MSH3: variants seen among roughly 807,000 people sequenced by gnomAD.
MSH3 encodes the protein DNA mismatch repair protein Msh3.
In MSH3, 106 loss-of-function variants were observed where a neutral mutation model predicts 123.3. That is an observed-to-expected ratio of 0.86 (90% CI 0.73 to 1.01). The LOEUF (loss-of-function observed/expected upper bound fraction) is 1.01, where lower values mean the gene tolerates loss of function less well. Ranked by LOEUF, MSH3 falls within the 50% of genes least tolerant of loss-of-function variation. MSH3 has a pLI of 0.00. For missense variants in MSH3, 1,459 were observed against 1,347.6 expected, an observed-to-expected ratio of 1.08 and a Z score of -1.29; for synonymous variants, 515 against 481.4, an observed-to-expected ratio of 1.07 and a Z score of -0.91.
chr5:80,810,192 T>TATATATATAA (rs1156831373), intron 19 of MSH3, among the ~76,000 whole-genome samples: 2 of 147,952 alleles, frequency 1.4e-5, no homozygotes, highest in Admixed American at 1.3e-4. Context: ...TATATATATA[T>TATATATATAA]ATAAACTAGT....
At chr5:80,784,873 AAAT>A (rs1356047263) in intron 17 of MSH3, among the ~76,000 whole-genome samples, 2 of 152,356 alleles carry the variant, frequency 1.3e-5, no homozygotes, top group African/African-American at 4.8e-5. Context: ...TCTACTCAGT[AAAT>A]AAGTATACAG....
intron 20 of MSH3, among the ~76,000 whole-genome samples, chr5:80,815,837 T>C (rs1374080114): frequency 6.6e-6 from 1 of 152,202 alleles, no homozygotes; most frequent in Admixed American, 6.5e-5. Context: ...TTAAGCACAG[T>C]AATTGGGAAT....
At chr5:80,664,806 G>T (rs1198156198) in intron 2 of MSH3, among the ~76,000 whole-genome samples, 1 of 151,370 alleles carries the variant, frequency 6.6e-6, no homozygotes, top group Non-Finnish European at 1.5e-5. Flanking sequence ...CTGTTCATTT[G>T]TTTTCCTTTC....
rs950622009 is a variant in MSH3 at position 80,870,804 on chromosome 5, G to A, written c.3131-2312G>A. ...AATTTTCACTGATAAAAGAAGAAAA[G>A]CATACACATCTATCAAATGAAATAA... On this transcript the variant is annotated intron_variant, in intron 22 of 23. Transcript: ENST00000265081. 2.6e-5 allele frequency among the ~76,000 whole-genome samples: 4 copies of A among 152,170 alleles called. No individual in the cohort carries two copies. In the South Asian group the frequency reaches 8.3e-4, roughly 32 times the overall value.
chr5:80,831,469 T>G (rs1174320205), intron 20 of MSH3, among the ~76,000 whole-genome samples: 1 of 152,178 alleles, frequency 6.6e-6, no homozygotes, highest in Admixed American at 6.5e-5. Flanking sequence ...TGTTTATGTT[T>G]AATTAAATAC....
chr5:80,713,194 T>C (rs1750891712), intron 8 of MSH3, among the ~76,000 whole-genome samples: 1 of 152,162 alleles, frequency 6.6e-6, no homozygotes, highest in Middle Eastern at 3.2e-3. Flanking sequence ...TCTCTGTTGG[T>C]GGTCTGTTAT....
intron 10 of MSH3, among the ~76,000 whole-genome samples, chr5:80,732,299 C>G (rs902522133): frequency 6.6e-6 from 1 of 152,012 alleles, no homozygotes; most frequent in Non-Finnish European, 1.5e-5. Flanking sequence ...GGAGTGGTCA[C>G]AACTTCAAAA....
At position 80,792,775 on chromosome 5, in the gene MSH3, A is replaced by T. The variant is rs1744630430; in HGVS notation, c.2586A>T (p.Gly862=). The change falls in exon 19 of 24, where the codon GGA becomes GGT. Residue 862 remains glycine, a synonymous_variant. Transcript: ENST00000265081. ...AAAGAAAAATTGTAATAAAAAATGG[A>T]AGGCACCCTGTGATTGATGTGTTGC... ...QEERKIVIKN[G]RHPVIDVLLG... is the part of the protein sequence containing the mutation. The T allele has an allele frequency of 1.2e-6, 2 of 1,613,442 alleles. No homozygotes were observed. The highest frequency in any genetic ancestry group is 1.7e-6 in the Non-Finnish European group (2 of 1,179,528).
chr5:80,702,422 G>C (rs1750632594), intron 8 of MSH3, among the ~76,000 whole-genome samples: 1 of 152,188 alleles, frequency 6.6e-6, no homozygotes, highest in Non-Finnish European at 1.5e-5. Context: ...ATGGGAGCAT[G>C]ACCACACCAC....
chr5:80,776,853 T>C (rs1030644423), intron 16 of MSH3, among the ~76,000 whole-genome samples: 1 of 148,682 alleles, frequency 6.7e-6, no homozygotes, highest in Non-Finnish European at 1.5e-5. Context: ...GTGTGAATGA[T>C]TGTTACTTTA....
At chr5:80,839,870 C>T (rs1745585424) in intron 20 of MSH3, among the ~76,000 whole-genome samples, 1 of 152,116 alleles carries the variant, frequency 6.6e-6, no homozygotes, top group African/African-American at 2.4e-5. Flanking sequence ...TTCCCATTTC[C>T]TCCCAACCCC....
chr5:80,783,371 A>T (rs1744442697), intron 17 of MSH3, among the ~76,000 whole-genome samples: 1 of 152,194 alleles, frequency 6.6e-6, no homozygotes, highest in Non-Finnish European at 1.5e-5. Context: ...CTAAGTATGG[A>T]TAATCTCTTT....
In MSH3 at chr5:80,781,307, G is replaced by T. The variant is rs17207385; in HGVS notation, c.2435+2471G>T. 7.5e-3 allele frequency among the ~76,000 whole-genome samples: 1,141 copies of T among 152,076 alleles called. 6 individuals carry two copies. The highest frequency in any genetic ancestry group is 0.013 in the Admixed American group (195 of 15,274). ...CATTCTAGAAGGGTCCTGGGATTTGGTGAGGTAATTTCATGTTCATTCTAT... is the reference window on the plus strand; with the variant it reads ...CATTCTAGAAGGGTCCTGGGATTTGTTGAGGTAATTTCATGTTCATTCTAT... On this transcript the variant is annotated intron_variant, in intron 17 of 23. Coordinates refer to ENST00000265081, the MANE Select transcript of MSH3 (RefSeq NM_002439.5).
At chr5:80,864,184 A>G (rs1038442716) in intron 21 of MSH3, among the ~76,000 whole-genome samples, 1 of 152,230 alleles carries the variant, frequency 6.6e-6, no homozygotes, top group Non-Finnish European at 1.5e-5. Flanking sequence ...TATGTAGGGC[A>G]TGACTCCCTG....
intron 10 of MSH3, 42 bp from the exon 11 acceptor site, chr5:80,741,422 A>G: frequency 8.0e-7 from 1 of 1,243,058 alleles, no homozygotes; most frequent in Non-Finnish European, 1.2e-6. Flanking sequence ...TTATTTCTTT[A>G]TGCACTTACA....
At chr5:80,822,195 A>G (rs1196331287) in intron 20 of MSH3, among the ~76,000 whole-genome samples, 1 of 152,216 alleles carries the variant, frequency 6.6e-6, no homozygotes, top group African/African-American at 2.4e-5. Context: ...TCATCCTTCT[A>G]GAACCCTGAG....
intron 2 of MSH3, 101 bp from the exon 3 acceptor site, chr5:80,665,042 A>G (rs1732781613): frequency 1.2e-6 from 1 of 822,058 alleles, no homozygotes; most frequent in South Asian, 1.6e-5. Context: ...TCATTGCTTT[A>G]TTGGGAATCT....
intron 17 of MSH3, among the ~76,000 whole-genome samples, chr5:80,784,242 GAAAT>G (rs1744464307): frequency 1.6e-5 from 1 of 62,648 alleles, no homozygotes; most frequent in Non-Finnish European, 3.0e-5. Context: ...AAAAAAAAGG[GAAAT>G]AAATAAATAA....
intron 13 of MSH3, among the ~76,000 whole-genome samples, chr5:80,765,400 G>A (rs1341851676): frequency 6.6e-6 from 1 of 152,068 alleles, no homozygotes; most frequent in East Asian, 1.9e-4. Context: ...GGGTGGGGAG[G>A]GGGTCTTTCT....
Sources: gnomAD v4.1 joint callset for allele counts (sites outside exome capture counted in the v4.1 genomes callset) on GRCh38, gnomAD v4.1.1 for gene constraint, MANE v1.5 for transcripts, NCBI Gene and HGNC (gene_info 2026-07-23, HGNC 2026-07-21) for gene names.